The following KYNU variants were observed in gnomAD, a reference collection of about 807,000 sequenced individuals.
The protein encoded by KYNU is L-kynurenine hydrolase.
In KYNU, 54 loss-of-function variants were observed where a neutral mutation model predicts 59.2. The observed-to-expected ratio is 0.91, with a 90% CI of 0.73 to 1.14. The LOEUF is 1.14. KYNU is among the 50% of genes most tolerant of loss of function. KYNU has a pLI of 0.00. For missense variants in KYNU, 567 were observed against 554.4 expected (o/e 1.02, Z -0.23); for synonymous variants, 177 against 192.0 (o/e 0.92, Z 0.65).
intron 10 of KYNU, among the ~76,000 whole-genome samples, chr2:143,008,177 GAC>G (rs1163199966): frequency 2.8e-5 from 3 of 108,438 alleles, no homozygotes; most frequent in African/African-American, 1.3e-4. Flanking sequence ...CACGTGCAGA[GAC>G]ACACATAGGC....
At chr2:142,931,592 G>A (rs1683219940) in intron 4 of KYNU, among the ~76,000 whole-genome samples, 1 of 152,152 alleles carries the variant, frequency 6.6e-6, no homozygotes, top group African/African-American at 2.4e-5. Flanking sequence ...GAGGCCCTAA[G>A]ATAAAAGTTC....
At chr2:142,923,457 T>G (rs1285890738) in intron 3 of KYNU, among the ~76,000 whole-genome samples, 1 of 152,238 alleles carries the variant, frequency 6.6e-6, no homozygotes, top group Non-Finnish European at 1.5e-5. Flanking sequence ...GTAAAAAGGT[T>G]TTGTAACAAG....
chr2:143,019,545 A>G (rs1375266982), intron 10 of KYNU, among the ~76,000 whole-genome samples: 1 of 152,042 alleles, frequency 6.6e-6, no homozygotes, highest in Non-Finnish European at 1.5e-5. Flanking sequence ...GTGTTGTTTG[A>G]ATTGAGTTTC....
At position 142,903,493 on chromosome 2, in the gene KYNU, T is replaced by C. The variant is rs528020204; in HGVS notation, c.170-15116T>C. ...GTAAAGTTCCCCAGTCACAGCTTAG[T>C]GGCTGGGAGAAGTATCTAGTGGCTG... On this transcript the variant is annotated intron_variant, in intron 2 of 13. Transcript: ENST00000264170. Among the ~76,000 whole-genome samples, 8 of 152,154 alleles carry C rather than the reference T, an allele frequency of 5.3e-5. No homozygotes were observed. The East Asian group carries it at 1.5e-3, about 29-fold the overall frequency.
At chr2:142,879,192 A>C (rs1681205317) in intron 1 of KYNU, among the ~76,000 whole-genome samples, 1 of 152,202 alleles carries the variant, frequency 6.6e-6, no homozygotes, top group Non-Finnish European at 1.5e-5. Flanking sequence ...AATTAGTATG[A>C]GTGAATAAAT....
intron 4 of KYNU, among the ~76,000 whole-genome samples, chr2:142,929,349 T>C (rs1269874939): frequency 1.5e-5 from 2 of 130,358 alleles, no homozygotes; most frequent in Non-Finnish European, 1.6e-5. Flanking sequence ...CAAGTGGTAA[T>C]TGCCTTTCTC....
intron 4 of KYNU, among the ~76,000 whole-genome samples, chr2:142,940,008 AAC>A (rs1683541581): frequency 6.6e-6 from 1 of 152,154 alleles, no homozygotes; most frequent in African/African-American, 2.4e-5. Flanking sequence ...GGATTCTCAA[AAC>A]ACAGTGCACT....
intron 11 of KYNU, among the ~76,000 whole-genome samples, chr2:143,032,578 T>TA (rs1686783462): frequency 6.6e-6 from 1 of 152,246 alleles, no homozygotes; most frequent in African/African-American, 2.4e-5. Context: ...AACTTATCTC[T>TA]GACTAGCTAT....
At chr2:142,933,701 T>G (rs1187729103) in intron 4 of KYNU, among the ~76,000 whole-genome samples, 1 of 152,106 alleles carries the variant, frequency 6.6e-6, no homozygotes, top group Non-Finnish European at 1.5e-5. Context: ...GGTGTTGCAG[T>G]GTTTTTGAGA....
In KYNU at chr2:143,047,682, C is replaced by A. The variant is rs978811949; in HGVS notation, c.*5510C>A. On this transcript the variant is annotated 3_prime_UTR_variant, in exon 14 of 14. Coordinates refer to ENST00000264170, the MANE Select transcript of KYNU (RefSeq NM_003937.3). ...GATCCTCTGTCCCCCGTTTCCCAAG[C>A]AGCTGGGACTACAGGCACATGCCAC... The A allele has an allele frequency of 6.6e-6, 1 of 151,534 alleles. No individual in the cohort carries two copies. The highest frequency in any genetic ancestry group is 1.5e-5 in the Non-Finnish European group (1 of 67,920). 9.4% of individuals were successfully genotyped at this position (151,534 alleles called of 1,614,324 possible).
intron 8 of KYNU, among the ~76,000 whole-genome samples, chr2:142,969,620 T>C (rs1270855808): frequency 6.6e-6 from 1 of 152,192 alleles, no homozygotes; most frequent in Non-Finnish European, 1.5e-5. Context: ...GAAATAATGA[T>C]TAATTCTCAA....
In KYNU at chr2:143,042,052, C is replaced by G; in HGVS notation, c.1278C>G (p.Asp426Glu). The change falls in exon 14 of 14, where the codon GAC becomes GAG. Residue 426 changes from aspartate to glutamate, a missense_variant. Coordinates refer to ENST00000264170, the MANE Select transcript of KYNU (RefSeq NM_003937.3). The stretch of plus-strand genomic sequence containing the variant: ...GCTTTATTTTTTCCCCACAGTGTGA[C>G]AAGCGGAATCCAAATGGCATTCGAG... ...QELEKRGVVC[D>E]KRNPNGIRVA... 1 of 1,611,630 alleles carries G rather than the reference C, an allele frequency of 6.2e-7. No homozygotes were observed. The highest frequency in any genetic ancestry group is 8.5e-7 in the Non-Finnish European group (1 of 1,178,352).
chr2:142,966,602 A>G (rs1211344438), intron 8 of KYNU, among the ~76,000 whole-genome samples: 1 of 152,144 alleles, frequency 6.6e-6, no homozygotes, highest in Non-Finnish European at 1.5e-5. Context: ...TTTCATTAAC[A>G]GAATGTGTAG....
At chr2:142,939,591 A>C (rs1342661378) in intron 4 of KYNU, among the ~76,000 whole-genome samples, 1 of 125,528 alleles carries the variant, frequency 8.0e-6, no homozygotes, top group Non-Finnish European at 1.6e-5. Flanking sequence ...ACAGAGCGAG[A>C]CTCCATCTCA....
At chr2:143,032,139 G>A (rs533669036) in intron 11 of KYNU, among the ~76,000 whole-genome samples, 17 of 152,026 alleles carry the variant, frequency 1.1e-4, no homozygotes, top group East Asian at 3.9e-4. Flanking sequence ...TTAGCTGGGC[G>A]TGGTGACAGG....
rs1262217768 is a variant in KYNU at position 142,931,123 on chromosome 2, T to C, written c.373+3382T>C. On this transcript the variant is annotated intron_variant, in intron 4 of 13. Transcript: ENST00000264170. ...GTCTTTCGGTCGGCTCTCTTCCTGC[T>C]TCTGATATCTTGCTGGCGCACGCCG... is the stretch of plus-strand genomic sequence containing the variant. 2.0e-5 allele frequency among the ~76,000 whole-genome samples: 3 copies of C among 152,372 alleles called. No individual in the cohort carries two copies. In the East Asian group the frequency reaches 5.8e-4, roughly 29 times the overall value.
intron 6 of KYNU, 70 bp downstream of exon 6, chr2:142,956,344 T>G (rs1325269133): frequency 1.0e-6 from 1 of 973,234 alleles, no homozygotes; most frequent in African/African-American, 1.6e-5. Flanking sequence ...TTTGCCTGAC[T>G]TGAATGTTTA....
rs188767808 is a variant in KYNU at position 142,911,680 on chromosome 2, G to A, written c.170-6929G>A. On this transcript the variant is annotated intron_variant, in intron 2 of 13. Transcript: ENST00000264170. ...TCATTCAGTATGATGTTCGCTGTGAGTTTGCCATAGATCGCTCTTATTGTT... is the reference window on the plus strand; with the variant it reads ...TCATTCAGTATGATGTTCGCTGTGAATTTGCCATAGATCGCTCTTATTGTT... Among the ~76,000 whole-genome samples, 410 of 152,232 alleles carry A rather than the reference G, an allele frequency of 2.7e-3. 2 individuals carry two copies. Among genetic ancestry groups the A allele is most frequent in the Non-Finnish European group, 4.1e-3 (282 of 68,010 alleles).
At chr2:142,930,084 C>G (rs1405551954) in intron 4 of KYNU, among the ~76,000 whole-genome samples, 1 of 152,016 alleles carries the variant, frequency 6.6e-6, no homozygotes, top group Non-Finnish European at 1.5e-5. Context: ...TCTTCTTTAT[C>G]TGTCATTTGA....
Sources: gnomAD v4.1 joint callset for allele counts (sites outside exome capture counted in the v4.1 genomes callset) on GRCh38, gnomAD v4.1.1 for gene constraint, MANE v1.5 for transcripts, NCBI Gene and HGNC (gene_info 2026-07-23, HGNC 2026-07-21) for gene names.